The following CHURC1 variants were observed in gnomAD, a reference collection of about 807,000 sequenced individuals.
CHURC1 encodes the protein protein Churchill.
In CHURC1, 12 loss-of-function variants were observed where a neutral mutation model predicts 15.4. The observed-to-expected ratio is 0.78, with a 90% CI of 0.50 to 1.27. The LOEUF (loss-of-function observed/expected upper bound fraction) is 1.27, where lower values mean the gene tolerates loss of function less well. Ranked by LOEUF, CHURC1 falls within the 50% of genes most tolerant of loss-of-function variation. CHURC1 has a pLI of 0.00. For missense variants in CHURC1, 132 were observed against 137.8 expected (o/e 0.96, Z 0.21); for synonymous variants, 42 against 47.5 (o/e 0.88, Z 0.48).
intron 1 of CHURC1, among the ~76,000 whole-genome samples, chr14:64,923,753 A>G (rs1255804068): frequency 1.4e-5 from 2 of 147,258 alleles, no homozygotes; most frequent in South Asian, 2.1e-4. Context: ...GGCAGTCCTT[A>G]CAGACTTAAG....
At chr14:64,921,766 A>G (rs961228282) in intron 1 of CHURC1, among the ~76,000 whole-genome samples, 7 of 152,248 alleles carry the variant, frequency 4.6e-5, no homozygotes, top group Non-Finnish European at 7.3e-5. Context: ...TATTTTTACC[A>G]TATTAGCAAT....
At chr14:64,918,800 T>C (rs1207478391) in intron 1 of CHURC1, among the ~76,000 whole-genome samples, 8 of 152,094 alleles carry the variant, frequency 5.3e-5, no homozygotes. Context: ...ACCACTGCAC[T>C]CCAGCCTGAG....
intron 1 of CHURC1, among the ~76,000 whole-genome samples, chr14:64,920,680 C>T (rs1386446706): frequency 2.6e-5 from 4 of 152,244 alleles, no homozygotes; most frequent in African/African-American, 9.6e-5. Context: ...ATTACAGAGG[C>T]TAGGCCACGT....
chr14:64,920,901 C>A (rs1239080441), intron 1 of CHURC1, among the ~76,000 whole-genome samples: 1 of 152,028 alleles, frequency 6.6e-6, no homozygotes, highest in Non-Finnish European at 1.5e-5. Context: ...TTACATGAAA[C>A]TGAAAAGAAC....
chr14:64,915,155 G>A (rs976045828), intron 1 of CHURC1, among the ~76,000 whole-genome samples: 3 of 152,172 alleles, frequency 2.0e-5, no homozygotes, highest in African/African-American at 7.2e-5. Flanking sequence ...ACTTTGCTAG[G>A]CCAGAAAGGG....
chr14:64,926,326 A>G (rs980347138), intron 3 of CHURC1, among the ~76,000 whole-genome samples: 2 of 150,254 alleles, frequency 1.3e-5, no homozygotes, highest in African/African-American at 4.9e-5. Flanking sequence ...AATTACAGGC[A>G]TGAGCCACTG....
intron 3 of CHURC1, among the ~76,000 whole-genome samples, chr14:64,926,759 A>C (rs552790873): frequency 5.3e-5 from 8 of 152,220 alleles, no homozygotes; most frequent in African/African-American, 1.2e-4. Flanking sequence ...GAGGAGAAAC[A>C]CAGAACCACT....
At chr14:64,931,117 T>C (rs1170236817) in intron 3 of CHURC1, among the ~76,000 whole-genome samples, 1 of 152,242 alleles carries the variant, frequency 6.6e-6, no homozygotes, top group Non-Finnish European at 1.5e-5. Flanking sequence ...GTGGAAATTC[T>C]AGAAGACTTA....
chr14:64,921,623 G>A (rs1223517703), intron 1 of CHURC1, among the ~76,000 whole-genome samples: 1 of 152,138 alleles, frequency 6.6e-6, no homozygotes, highest in Non-Finnish European at 1.5e-5. Context: ...ACCACTTTAC[G>A]TCACTGAATG....
rs56979488 is a variant in CHURC1, at chr14:64,932,641, T to TA, written c.*423dup. The TA allele has an allele frequency of 0.46, 78,796 of 171,592 alleles. 21,810 individuals are homozygous for TA. The highest frequency in any genetic ancestry group is 0.81 in the African/African-American group (32,996 of 40,622). 10.6% of individuals were successfully genotyped at this position (171,592 alleles called of 1,614,324 possible). A position where few individuals can be genotyped will look rare whatever the true frequency, so the allele number is the denominator to read the frequency against. Reference sequence around the variant, plus strand: ...CCACAGAAAAATGAAGTACTGAAATTAAAAAAAAAAAATCATAGTGATTGG... The same window carrying TA: ...CCACAGAAAAATGAAGTACTGAAATTAAAAAAAAAAAAATCATAGTGATTGG... On this transcript the variant is annotated 3_prime_UTR_variant, in exon 4 of 4. Transcript: ENST00000549115.
At chr14:64,929,213 G>A (rs905326555) in intron 3 of CHURC1, among the ~76,000 whole-genome samples, 3 of 152,092 alleles carry the variant, frequency 2.0e-5, no homozygotes, top group African/African-American at 7.2e-5. Flanking sequence ...CTCCGTAAGC[G>A]ATGCGCATGC....
At chr14:64,917,330 A>C (rs1183797568) in intron 1 of CHURC1, among the ~76,000 whole-genome samples, 2 of 152,234 alleles carry the variant, frequency 1.3e-5, no homozygotes, top group African/African-American at 4.8e-5. Flanking sequence ...TGGGAGGCCA[A>C]GGCTGGCAGA....
intron 2 of CHURC1, among the ~76,000 whole-genome samples, chr14:64,925,107 C>T (rs1884584165): frequency 6.6e-6 from 1 of 152,208 alleles, no homozygotes; most frequent in Non-Finnish European, 1.5e-5. Context: ...GGTTCCAATA[C>T]ATCCTGGCTC....
rs1885178050 is a variant in CHURC1 at position 64,933,339 on chromosome 14, C to T, written c.*1109C>T. 1.0e-6 allele frequency: 1 copy of T among 978,878 alleles called. No homozygotes were observed. The highest frequency in any genetic ancestry group is 1.8e-5 in the African/African-American group (1 of 57,074). The allele number at this position is 978,878 out of a possible 1,614,324, so 60.6% of individuals were successfully genotyped here. On this transcript the variant is annotated 3_prime_UTR_variant, in exon 4 of 4. Coordinates refer to ENST00000549115, the MANE Select transcript of CHURC1 (RefSeq NM_001386928.1). ...GGTAGAAACTAGGGAAATCTGAATA[C>T]AGTGTGGACTTCAGTTAATATAAAT... is the stretch of plus-strand genomic sequence containing the variant.
chr14:64,934,816 C>T lies in CHURC1; in HGVS notation c.*2586C>T. 1.0e-5 allele frequency: 10 copies of T among 985,288 alleles called. No homozygotes were observed. The highest frequency in any genetic ancestry group is 1.2e-5 in the Non-Finnish European group (10 of 829,810). 61.0% of individuals were successfully genotyped at this position (985,288 alleles called of 1,614,324 possible). ...ATTTTATATGCCCTGCCAATGTCCTCATCTATTGCAGAATGTATAATTATC... is the reference window on the plus strand; with the variant it reads ...ATTTTATATGCCCTGCCAATGTCCTTATCTATTGCAGAATGTATAATTATC... On this transcript the variant is annotated 3_prime_UTR_variant, in exon 4 of 4. Coordinates refer to ENST00000549115, the MANE Select transcript of CHURC1 (RefSeq NM_001386928.1).
intron 1 of CHURC1, among the ~76,000 whole-genome samples, chr14:64,919,158 T>TA (rs1245909103): frequency 6.6e-6 from 1 of 152,216 alleles, no homozygotes; most frequent in Non-Finnish European, 1.5e-5. Context: ...CAGTCAGAAC[T>TA]AGAACTCTAC....
At position 64,924,220 on chromosome 14, in the gene CHURC1, ATATTG is replaced by A. The variant is rs1159473399; in HGVS notation, c.175+100_175+104del. On this transcript the variant is annotated intron_variant, in intron 2 of 3. Coordinates refer to ENST00000549115, the MANE Select transcript of CHURC1 (RefSeq NM_001386928.1). ...ACAAAATATTCTGAGGCCTATTTCA[ATATTG>A]TATTGCGCACATAATTACTAGTTAG... 7 of 1,404,806 alleles carry A rather than the reference ATATTG, an allele frequency of 5.0e-6. No individual in the cohort carries two copies. The African/African-American group carries it at 7.2e-5, about 14-fold the overall frequency. The allele number at this position is 1,404,806 out of a possible 1,614,324, so 87.0% of individuals were successfully genotyped here.
At chr14:64,923,272 C>CAAAAAAAAAAAAA (rs1884448381) in intron 1 of CHURC1, among the ~76,000 whole-genome samples, 1 of 81,430 alleles carries the variant, frequency 1.2e-5, no homozygotes, top group African/African-American at 6.9e-5. Flanking sequence ...ATCTCAATTA[C>CAAAAAAAAAAAAA]CAAAAAAAAA....
chr14:64,915,981 A>G (rs193022353), intron 1 of CHURC1, among the ~76,000 whole-genome samples: 2 of 152,342 alleles, frequency 1.3e-5, no homozygotes, highest in African/African-American at 4.8e-5. Flanking sequence ...CAAAAGGGGA[A>G]GTACTACTGA....
Sources: allele counts gnomAD v4.1 joint callset (sites outside exome capture counted in the v4.1 genomes callset), GRCh38; gene constraint gnomAD v4.1.1; transcripts MANE v1.5; gene names NCBI Gene and HGNC (gene_info 2026-07-23, HGNC 2026-07-21).